The following B4GALNT4 variants were observed in gnomAD, a reference collection of about 807,000 sequenced individuals.
B4GALNT4 encodes the protein N-acetyl-beta-glucosaminyl-glycoprotein 4-beta-N-acetylgalactosaminyltransferase 1.
In B4GALNT4, 77 loss-of-function variants were observed where a neutral mutation model predicts 110.0. The observed-to-expected ratio is 0.70, with a 90% CI of 0.58 to 0.85. The LOEUF is 0.85. B4GALNT4 is among the 40% of genes least tolerant of loss of function. B4GALNT4 has a pLI of 0.00. For missense variants in B4GALNT4, 1,575 were observed against 1,506.0 expected, an observed-to-expected ratio of 1.05 and a Z score of -0.76; for synonymous variants, 785 against 655.5, an observed-to-expected ratio of 1.20 and a Z score of -3.02.
intron 1 of B4GALNT4, among the ~76,000 whole-genome samples, chr11:370,650 G>A (rs1564866864): frequency 6.6e-6 from 1 of 152,202 alleles, no homozygotes; most frequent in Non-Finnish European, 1.5e-5. Flanking sequence ...ATTCCAGACA[G>A]GAAGGCGCAG....
Position 375,778 on chromosome 11 carries a change from G to A in B4GALNT4, c.985+5G>A. ...CCAGGGATACCTTTTTCCTCAGTGA[G>A]AGGGGGCCCGCGCGGGGGCGAGGGC... On this transcript the variant is annotated splice_donor_5th_base_variant and intron_variant, in intron 10 of 19. Transcript: ENST00000329962. The A allele has an allele frequency of 1.2e-6, 2 of 1,600,310 alleles. No individual in the cohort carries two copies. Among genetic ancestry groups the A allele is most frequent in the Non-Finnish European group, 1.7e-6 (2 of 1,176,802 alleles).
intron 8 of B4GALNT4, 22 bp downstream of exon 8, chr11:373,850 G>A: frequency 6.2e-6 from 10 of 1,609,512 alleles, no homozygotes; most frequent in Non-Finnish European, 7.6e-6. Flanking sequence ...CCTCCCCTGG[G>A]GGCTTCTGGA....
chr11:381,010 A>C, intron 19 of B4GALNT4, 59 bp downstream of exon 19: 1 of 1,567,962 alleles, frequency 6.4e-7, no homozygotes, highest in Non-Finnish European at 8.7e-7. Flanking sequence ...TCCTCCTCTG[A>C]ATGGGGAAGG....
rs765972307 is a variant in B4GALNT4 at position 379,575 on chromosome 11, G to A, written c.2362G>A (p.Asp788Asn). Residue 788 changes from aspartate to asparagine, a missense_variant, in exon 15 of 20, where the codon GAT becomes AAT. Physicochemically the swap from Asp to Asn is conservative, Grantham distance 23 (BLOSUM62 1). Transcript: ENST00000329962. ...FLRLPGARVG[D>N]ADGESPEPAP... ...GCGGCTGCCGGGAGCCCGCGTAGGG[G>A]ATGCAGACGGAGAAAGTCCCGAACC... is the stretch of plus-strand genomic sequence containing the variant. The A allele has an allele frequency of 7.6e-6, 12 of 1,585,190 alleles. No homozygotes were observed. Among genetic ancestry groups the A allele is most frequent in the East Asian group, 6.8e-5 (3 of 43,842 alleles).
chr11:380,876 T>A lies in B4GALNT4; in HGVS notation c.2921T>A (p.Phe974Tyr). 2 of 1,613,760 alleles carry A rather than the reference T, an allele frequency of 1.2e-6. No homozygotes were observed. The highest frequency in any genetic ancestry group is 8.5e-7 in the Non-Finnish European group (1 of 1,179,862). Reference sequence around the variant, plus strand: ...CTTTTTGGGATCTACAAGTCGGACTTTGACCGGGTTGGAGGAATGAACACG... The same window carrying A: ...CTTTTTGGGATCTACAAGTCGGACTATGACCGGGTTGGAGGAATGAACACG... Reference protein sequence around the residue: ...FGLFGIYKSDFDRVGGMNTEE... With the variant: ...FGLFGIYKSDYDRVGGMNTEE... Residue 974 changes from phenylalanine to tyrosine, a missense_variant, in exon 19 of 20, where the codon TTT becomes TAT. Phe to Tyr is a conservative substitution (Grantham distance 22). Coordinates refer to ENST00000329962, the MANE Select transcript of B4GALNT4 (RefSeq NM_178537.5).
At position 375,776 on chromosome 11, in the gene B4GALNT4, G is replaced by A; in HGVS notation, c.985+3G>A. 1 of 1,599,916 alleles carries A rather than the reference G, an allele frequency of 6.3e-7. No homozygotes were observed. Among genetic ancestry groups the A allele is most frequent in the Non-Finnish European group, 8.5e-7 (1 of 1,176,548 alleles). Reference sequence around the variant, plus strand: ...TCCCAGGGATACCTTTTTCCTCAGTGAGAGGGGGCCCGCGCGGGGGCGAGG... The same window carrying A: ...TCCCAGGGATACCTTTTTCCTCAGTAAGAGGGGGCCCGCGCGGGGGCGAGG... On this transcript the variant is annotated splice_donor_region_variant and intron_variant, in intron 10 of 19. Coordinates refer to ENST00000329962, the MANE Select transcript of B4GALNT4 (RefSeq NM_178537.5).
rs765415266 is a variant in B4GALNT4 at position 380,803 on chromosome 11, A to AC, written c.2870-18dup. The AC allele has an allele frequency of 1.7e-5, 28 of 1,613,170 alleles. No individual in the cohort carries two copies. In the African/African-American group the frequency reaches 2.3e-4, roughly 13 times the overall value. On this transcript the variant is annotated intron_variant, in intron 18 of 19. Transcript: ENST00000329962. ...TGCAGGACCTGGTCTGAAGGGTAGC[A>AC]CCCCTCACCCTCCCGCCCCAGGTTA...
Position 381,922 on chromosome 11 carries a change from C to T in B4GALNT4, c.*130C>T. ...ACAGCCACCGCCTGTGCCTGCCCCT[C>T]TCTGGCCCACTGGGCGTCGTGCCCC... On this transcript the variant is annotated 3_prime_UTR_variant, in exon 20 of 20. Transcript: ENST00000329962. 1 of 1,147,204 alleles carries T rather than the reference C, an allele frequency of 8.7e-7. No homozygotes were observed. The highest frequency in any genetic ancestry group is 1.1e-6 in the Non-Finnish European group (1 of 870,532). 71.1% of individuals were successfully genotyped at this position (1,147,204 alleles called of 1,614,324 possible). A position where few individuals can be genotyped will look rare whatever the true frequency, so the allele number is the denominator to read the frequency against.
At chr11:373,612 G>A (rs1363635466) in intron 7 of B4GALNT4, 96 bp downstream of exon 7, 3 of 1,530,758 alleles carry the variant, frequency 2.0e-6, no homozygotes, top group South Asian at 2.2e-5. Flanking sequence ...CGCACACTCT[G>A]CACGAGCACC....
At chr11:370,755 C>G (rs892302543) in intron 1 of B4GALNT4, among the ~76,000 whole-genome samples, 1 of 152,108 alleles carries the variant, frequency 6.6e-6, no homozygotes, top group Admixed American at 6.5e-5. Context: ...AGGAGAGACC[C>G]CAGCTGGCTG....
intron 8 of B4GALNT4, among the ~76,000 whole-genome samples, chr11:375,149 A>AG (rs1395857678): frequency 4.6e-5 from 1 of 21,590 alleles, no homozygotes; most frequent in Admixed American, 5.0e-4. Context: ...GAAGGGAGGG[A>AG]GGAGGAAGGG....
chr11:375,358 G>C, intron 8 of B4GALNT4, 103 bp from the exon 9 acceptor site: 1 of 1,182,326 alleles, frequency 8.5e-7, no homozygotes, highest in Non-Finnish European at 1.3e-6. Context: ...ATCCTTTAAG[G>C]GATTGGTCCT....
At position 376,057 on chromosome 11, in the gene B4GALNT4, G is replaced by C. The variant is rs1554914738; in HGVS notation, c.1096-17G>C. The C allele has an allele frequency of 6.3e-7, 1 of 1,579,360 alleles. No individual in the cohort carries two copies. The highest frequency in any genetic ancestry group is 2.2e-5 in the East Asian group (1 of 44,630). On this transcript the variant is annotated splice_polypyrimidine_tract_variant and intron_variant, in intron 11 of 19. Coordinates refer to ENST00000329962, the MANE Select transcript of B4GALNT4 (RefSeq NM_178537.5). ...GGGAGGTCCGCGCCCTGAGCCCTGC[G>C]CCCCCCCACCCCCCAGGTGTACCTG...
chr11:372,579 G>A (rs1846635724), intron 2 of B4GALNT4, 83 bp from the exon 3 acceptor site: 2 of 1,179,588 alleles, frequency 1.7e-6, no homozygotes, highest in African/African-American at 1.5e-5. Context: ...GTTGGAAGGG[G>A]TCTTTGTGAA....
At position 377,139 on chromosome 11, in the gene B4GALNT4, C is replaced by A. The variant is rs116235888; in HGVS notation, c.2016C>A (p.Leu672=). ...GCGAGGAGGCCGCGGGCCCGGCGCT[C>A]GGACGCTGGCGTGAGGACGCCATCG... The part of the protein sequence containing the change: ...EDSEEAAGPA[L]GRWREDAIDW... The change falls in exon 14 of 20, where the codon CTC becomes CTA. Residue 672 remains leucine, a synonymous_variant. Transcript: ENST00000329962. 10,458 of 1,521,728 alleles carry A rather than the reference C, an allele frequency of 6.9e-3. 652 individuals carry two copies. The African/African-American group carries it at 0.13, about 19-fold the overall frequency. The allele number at this position is 1,521,728 out of a possible 1,614,324, so 94.3% of individuals were successfully genotyped here.
intron 19 of B4GALNT4, 98 bp from the exon 20 acceptor site, chr11:381,571 G>A (rs867886484): frequency 4.2e-6 from 2 of 477,606 alleles, no homozygotes; most frequent in Non-Finnish European, 7.0e-6. Context: ...CCCCGGCCCC[G>A]GGTTCCTGAC....
Position 376,056 on chromosome 11 carries a change from C to CGG in B4GALNT4, c.1096-17_1096-16insGG. On this transcript the variant is annotated splice_polypyrimidine_tract_variant and intron_variant, in intron 11 of 19. Transcript: ENST00000329962. ...CGGGAGGTCCGCGCCCTGAGCCCTG[C>CGG]GCCCCCCCACCCCCCAGGTGTACCT... The CGG allele has an allele frequency of 1.1e-5, 17 of 1,590,854 alleles. No individual in the cohort carries two copies. Among genetic ancestry groups the CGG allele is most frequent in the Middle Eastern group, 1.7e-4 (1 of 6,026 alleles).
chr11:381,900 GCCACC>G lies in B4GALNT4; in HGVS notation c.*109_*113del. The G allele has an allele frequency of 1.5e-6, 2 of 1,303,324 alleles. No individual in the cohort carries two copies. Among genetic ancestry groups the G allele is most frequent in the Non-Finnish European group, 2.0e-6 (2 of 1,000,060 alleles). The allele number at this position is 1,303,324 out of a possible 1,614,324, so 80.7% of individuals were successfully genotyped here. On this transcript the variant is annotated 3_prime_UTR_variant, in exon 20 of 20. Transcript: ENST00000329962. ...CGGCAGGGCTGGTCAGAGGGGCACA[GCCACC>G]GCCTGTGCCTGCCCCTCTCTGGCCC...
rs762114684 is a variant in B4GALNT4 at position 377,187 on chromosome 11, G to A, written c.2064G>A (p.Val688=). 1.3e-6 allele frequency: 2 copies of A among 1,583,982 alleles called. No individual in the cohort carries two copies. The highest frequency in any genetic ancestry group is 1.7e-6 in the Non-Finnish European group (2 of 1,166,640). The change falls in exon 14 of 20, where the codon GTG becomes GTA. Residue 688 remains valine, a synonymous_variant. Transcript: ENST00000329962. ...DAIDWQRTFS[V]GAVDFELLRS... ...TCGACTGGCAGCGCACGTTCAGCGT[G>A]GGCGCCGTGGACTTCGAGCTGCTGC... is the stretch of plus-strand genomic sequence containing the variant.
Sources: gnomAD v4.1 joint callset for allele counts (sites outside exome capture counted in the v4.1 genomes callset) on GRCh38, gnomAD v4.1.1 for gene constraint, MANE v1.5 for transcripts, NCBI Gene and HGNC (gene_info 2026-07-23, HGNC 2026-07-21) for gene names.